The following PDILT variants were observed in gnomAD, a reference collection of about 807,000 sequenced individuals.
The protein encoded by PDILT is protein disulfide isomerase like, testis expressed.
In PDILT, 43 loss-of-function variants were observed where a neutral mutation model predicts 53.7. The ratio of observed to expected loss-of-function variants is 0.80; its 90% CI spans 0.63 to 1.03. The LOEUF is 1.03. PDILT is among the 50% of genes least tolerant of loss of function. The probability of loss-of-function intolerance (pLI) is 0.00; values close to 1 mark genes in which losing one functional copy is unlikely to be tolerated. For missense variants in PDILT, 727 were observed against 712.3 expected, an observed-to-expected ratio of 1.02 and a Z score of -0.24; for synonymous variants, 282 against 274.2, an observed-to-expected ratio of 1.03 and a Z score of -0.28.
At chr16:20,377,930 G>A (rs956012254) in intron 3 of PDILT, among the ~76,000 whole-genome samples, 2 of 151,984 alleles carry the variant, frequency 1.3e-5, no homozygotes, top group African/African-American at 4.8e-5. Flanking sequence ...CTCCTGCGCG[G>A]GAGATAGGGC....
intron 2 of PDILT, among the ~76,000 whole-genome samples, chr16:20,394,834 C>T (rs887054825): frequency 6.6e-6 from 1 of 152,132 alleles, no homozygotes; most frequent in Non-Finnish European, 1.5e-5. Flanking sequence ...TGGCTGAGGT[C>T]CTAGGTAGAA....
intron 2 of PDILT, among the ~76,000 whole-genome samples, chr16:20,398,072 A>G (rs901349859): frequency 7.2e-5 from 11 of 152,310 alleles, no homozygotes; most frequent in African/African-American, 2.6e-4. Context: ...ACTATCAAAT[A>G]GGGAGATGAC....
chr16:20,382,723 C>A (rs974996372), intron 3 of PDILT, among the ~76,000 whole-genome samples: 5 of 152,158 alleles, frequency 3.3e-5, no homozygotes, highest in African/African-American at 4.8e-5. Flanking sequence ...TTTATCTTCC[C>A]AACAGTGTAG....
At position 20,372,077 on chromosome 16, in the gene PDILT, T is replaced by C. The variant is rs62034971; in HGVS notation, c.918+725A>G. ...CTATAAAGATGAAGAGAAAAATTAATCAACTAGCTTCCATAGTTCAGGTAC... is the reference window on the plus strand; with the variant it reads ...CTATAAAGATGAAGAGAAAAATTAACCAACTAGCTTCCATAGTTCAGGTAC... On this transcript the variant is annotated intron_variant, in intron 7 of 11. Transcript: ENST00000302451. 8.1e-3 allele frequency among the ~76,000 whole-genome samples: 1,227 copies of C among 152,270 alleles called. 13 individuals are homozygous for C. The highest frequency in any genetic ancestry group is 0.011 in the Non-Finnish European group (745 of 68,022).
intron 9 of PDILT, among the ~76,000 whole-genome samples, chr16:20,364,815 C>T (rs946098113): frequency 9.8e-5 from 15 of 152,320 alleles, no homozygotes; most frequent in Middle Eastern, 3.4e-3. Context: ...ATATGCCAGA[C>T]GCTGTGCTAA....
chr16:20,379,019 A>AT (rs35577097), intron 3 of PDILT, among the ~76,000 whole-genome samples: 37,686 of 146,936 alleles, frequency 0.26, 5,227 homozygotes, highest in Non-Finnish European at 0.31. Flanking sequence ...ATTTTAGGGC[A>AT]TTTTTTTTTT....
intron 7 of PDILT, among the ~76,000 whole-genome samples, chr16:20,369,930 C>A (rs1966279414): frequency 3.3e-5 from 5 of 152,144 alleles, no homozygotes; most frequent in African/African-American, 9.7e-5. Context: ...AAGTCCTGAG[C>A]TTTCATTCTG....
chr16:20,402,290 ATCTTT>A (rs57705875), intron 1 of PDILT, among the ~76,000 whole-genome samples: 37 of 149,632 alleles, frequency 2.5e-4, no homozygotes, highest in Non-Finnish European at 3.9e-4. Context: ...AGGAGTGTTG[ATCTTT>A]TCTTTTCTTT....
intron 3 of PDILT, among the ~76,000 whole-genome samples, chr16:20,381,700 T>C (rs1265072530): frequency 1.3e-5 from 2 of 150,830 alleles, no homozygotes; most frequent in African/African-American, 4.9e-5. Context: ...GAAGTTCCCA[T>C]GGTTACTGCT....
chr16:20,372,680 T>C (rs1966323676), intron 7 of PDILT, 122 bp downstream of exon 7: 1 of 1,186,752 alleles, frequency 8.4e-7, no homozygotes, highest in Non-Finnish European at 1.2e-6. Flanking sequence ...TGACAGGCAA[T>C]TGCAAGTGCC....
At chr16:20,387,055 C>A (rs771580213) in intron 2 of PDILT, among the ~76,000 whole-genome samples, 7 of 152,174 alleles carry the variant, frequency 4.6e-5, no homozygotes, top group Non-Finnish European at 7.4e-5. Context: ...GAGATTCATT[C>A]ATTCGTTTTA....
intron 3 of PDILT, among the ~76,000 whole-genome samples, chr16:20,379,531 T>A (rs1334132270): frequency 6.6e-6 from 1 of 152,064 alleles, no homozygotes; most frequent in African/African-American, 2.4e-5. Flanking sequence ...CCCAGGCCAG[T>A]CTCGAACTCC....
At chr16:20,369,816 A>T in intron 7 of PDILT, 127 bp from the exon 8 acceptor site, 1 of 897,580 alleles carries the variant, frequency 1.1e-6, no homozygotes, top group Non-Finnish European at 1.7e-6. Context: ...AATGTAACAA[A>T]GGCAGGTGGA....
intron 2 of PDILT, among the ~76,000 whole-genome samples, chr16:20,398,339 C>T (rs1272239019): frequency 6.6e-6 from 1 of 152,030 alleles, no homozygotes; most frequent in Admixed American, 6.6e-5. Context: ...GTGATGGTCT[C>T]GGCTGGGCAC....
rs377257136 is a variant in PDILT at position 20,392,899 on chromosome 16, G to A, written c.202+6200C>T. On this transcript the variant is annotated intron_variant, in intron 2 of 11. Coordinates refer to ENST00000302451, the MANE Select transcript of PDILT (RefSeq NM_174924.2). ...CTTCTGCCCTGGTTAAAACAGAGCAGAGCCTTCTATTCTCATGTGGACTGG... is the reference window on the plus strand; with the variant it reads ...CTTCTGCCCTGGTTAAAACAGAGCAAAGCCTTCTATTCTCATGTGGACTGG... Among the ~76,000 whole-genome samples the A allele has an allele frequency of 2.1e-3, 315 of 152,316 alleles. 2 individuals carry two copies. Among genetic ancestry groups the A allele is most frequent in the African/African-American group, 6.9e-3 (286 of 41,580 alleles).
At chr16:20,398,459 TA>T (rs948541950) in intron 2 of PDILT, among the ~76,000 whole-genome samples, 1 of 152,082 alleles carries the variant, frequency 6.6e-6, no homozygotes, top group African/African-American at 2.4e-5. Flanking sequence ...CTGTCTCTAC[TA>T]AAAATACAAA....
intron 2 of PDILT, among the ~76,000 whole-genome samples, chr16:20,392,015 T>A (rs980934153): frequency 6.6e-6 from 1 of 151,908 alleles, no homozygotes; most frequent in African/African-American, 2.4e-5. Flanking sequence ...TCTCTCTGGA[T>A]GCATTGCAGG....
chr16:20,373,038 C>A lies in PDILT; in HGVS notation c.766G>T (p.Asp256Tyr). The A allele has an allele frequency of 1.2e-6, 2 of 1,614,116 alleles. No homozygotes were observed. The highest frequency in any genetic ancestry group is 1.7e-5 in the Admixed American group (1 of 60,014). ...TCAGTGTTGTATTCGATCACAAAAT[C>A]TGTAAGGTGCTGTTTTATGACACGA... Reference protein sequence around the residue: ...LNRVIKQHLTDFVIEYNTENK... With the variant: ...LNRVIKQHLTYFVIEYNTENK... Residue 256 changes from aspartate (D) to tyrosine (Y), a missense_variant, in exon 6 of 12, where the codon GAT (aspartate) becomes TAT (tyrosine). Physicochemically the swap from Asp to Tyr is radical, Grantham distance 160 (BLOSUM62 -3). Transcript: ENST00000302451.
chr16:20,367,099 CTTT>C lies in PDILT; in HGVS notation c.1117-1562_1117-1560del, dbSNP rs1567321007. ...TCTTTCTTTCTTTCTTTCTTTCTTT[CTTT>C]CTTCCTTTCTTTCCTTTTGAGACAG... On this transcript the variant is annotated intron_variant, in intron 8 of 11. Coordinates refer to ENST00000302451, the MANE Select transcript of PDILT (RefSeq NM_174924.2). Among the ~76,000 whole-genome samples, 120 of 87,404 alleles carry C rather than the reference CTTT, an allele frequency of 1.4e-3. 4 individuals are homozygous for C. Among genetic ancestry groups the C allele is most frequent in the East Asian group, 4.3e-3 (17 of 3,970 alleles). 57.3% of individuals were successfully genotyped at this position (87,404 alleles called of 152,430 possible). A position where few individuals can be genotyped will look rare whatever the true frequency, so the allele number is the denominator to read the frequency against.
Sources: allele counts gnomAD v4.1 joint callset (sites outside exome capture counted in the v4.1 genomes callset), GRCh38; gene constraint gnomAD v4.1.1; transcripts MANE v1.5; gene names NCBI Gene and HGNC (gene_info 2026-07-23, HGNC 2026-07-21).